CHL1: variants seen among roughly 807,000 people sequenced by gnomAD.
CHL1 encodes the protein cell adhesion molecule L1 like.
Under a neutral mutation model 141.9 loss-of-function variants are expected in CHL1, and 96 were observed. That is an observed-to-expected ratio of 0.68 (90% CI 0.57 to 0.80). The LOEUF (loss-of-function observed/expected upper bound fraction) is 0.80. CHL1 is among the 30% of genes least tolerant of loss of function. The pLI is 0.00. For missense variants in CHL1, 1,820 were observed against 1,457.2 expected (o/e 1.25, Z -4.05); for synonymous variants, 613 against 502.2 (o/e 1.22, Z -2.95).
At chr3:351,568 T>C (rs1035034138) in intron 10 of CHL1, among the ~76,000 whole-genome samples, 5 of 152,190 alleles carry the variant, frequency 3.3e-5, no homozygotes, top group Non-Finnish European at 5.9e-5. Context: ...CTTTTTTGTC[T>C]CTTTTTTAGA....
intron 16 of CHL1, among the ~76,000 whole-genome samples, chr3:380,756 CA>C (rs1353284320): frequency 6.6e-6 from 1 of 152,126 alleles, no homozygotes; most frequent in Non-Finnish European, 1.5e-5. Context: ...GAAAAGAAAG[CA>C]GAGCTCATGA....
In CHL1 at chr3:256,731, A is replaced by C. The variant is rs1427315905; in HGVS notation, c.-95+12039A>C. Among the ~76,000 whole-genome samples, 3 of 152,316 alleles carry C rather than the reference A, an allele frequency of 2.0e-5. No individual in the cohort carries two copies. In the East Asian group the frequency reaches 5.8e-4, roughly 29 times the overall value. Reference sequence around the variant, plus strand: ...CATAAAATTCCCATGAAAATTTGGGAACGAGGGGAGGATTCATATGTATCT... The same window carrying C: ...CATAAAATTCCCATGAAAATTTGGGCACGAGGGGAGGATTCATATGTATCT... On this transcript the variant is annotated intron_variant, in intron 2 of 27. Coordinates refer to ENST00000256509, the MANE Select transcript of CHL1 (RefSeq NM_006614.4).
intron 14 of CHL1, 82 bp downstream of exon 14, chr3:363,465 TTTAAG>T: frequency 1.6e-6 from 2 of 1,265,510 alleles, no homozygotes; most frequent in Non-Finnish European, 2.2e-6. Flanking sequence ...AATAATACCA[TTTAAG>T]TTGGAGTACC....
At chr3:231,128 C>T (rs780362602) in intron 1 of CHL1, among the ~76,000 whole-genome samples, 4 of 152,084 alleles carry the variant, frequency 2.6e-5, no homozygotes, top group Admixed American at 6.6e-5. Context: ...TATTTACTAT[C>T]GGTTTTGTCT....
intron 11 of CHL1, 21 bp from the exon 12 acceptor site, chr3:360,263 A>G: frequency 6.2e-7 from 1 of 1,612,658 alleles, no homozygotes; most frequent in Non-Finnish European, 8.5e-7. Context: ...TATCAAACTG[A>G]CATTCTTTAA....
chr3:331,954 A>G (rs1269320739), intron 5 of CHL1, among the ~76,000 whole-genome samples: 1 of 152,206 alleles, frequency 6.6e-6, no homozygotes, highest in African/African-American at 2.4e-5. Flanking sequence ...TATACATCCA[A>G]CAGAATACGT....
chr3:397,273 A>G (rs759915912), intron 24 of CHL1, among the ~76,000 whole-genome samples: 4 of 152,124 alleles, frequency 2.6e-5, no homozygotes, highest in Non-Finnish European at 4.4e-5. Context: ...GGCTTTGCTC[A>G]TATAATTGGC....
chr3:377,754 G>T (rs942948809), intron 15 of CHL1, 64 bp from the exon 16 acceptor site: 6 of 1,398,862 alleles, frequency 4.3e-6, no homozygotes, highest in Admixed American at 4.0e-5. Flanking sequence ...ATTTTTAAAA[G>T]AATTGGGTTT....
chr3:218,451 C>G (rs949130473), intron 1 of CHL1, among the ~76,000 whole-genome samples: 20 of 152,132 alleles, frequency 1.3e-4, no homozygotes, highest in African/African-American at 4.8e-4. Context: ...TAAGTTTCCT[C>G]AAGTCAGTAG....
chr3:198,962 T>G (rs1698671785), intron 1 of CHL1, among the ~76,000 whole-genome samples: 1 of 152,234 alleles, frequency 6.6e-6, no homozygotes, highest in Admixed American at 6.5e-5. Flanking sequence ...GGGGAAACTT[T>G]TGGTGACAAG....
At chr3:273,489 T>G (rs577527996) in intron 2 of CHL1, among the ~76,000 whole-genome samples, 1 of 152,340 alleles carries the variant, frequency 6.6e-6, no homozygotes, top group South Asian at 2.1e-4. Flanking sequence ...TTCTTTAATC[T>G]TATTCAAGAC....
At chr3:381,148 C>A (rs1241804217) in intron 16 of CHL1, among the ~76,000 whole-genome samples, 1 of 152,136 alleles carries the variant, frequency 6.6e-6, no homozygotes, top group African/African-American at 2.4e-5. Context: ...ATTCTGATGT[C>A]CCTGGTCAAG....
chr3:251,787 G>A (rs1416180470), intron 2 of CHL1, among the ~76,000 whole-genome samples: 1 of 152,094 alleles, frequency 6.6e-6, no homozygotes, highest in Non-Finnish European at 1.5e-5. Context: ...TCCACACTTA[G>A]AAGTTTCTAT....
rs377750785 is a variant in CHL1 at position 287,527 on chromosome 3, T to A, written c.-94-32156T>A. On this transcript the variant is annotated intron_variant, in intron 2 of 27. Coordinates refer to ENST00000256509, the MANE Select transcript of CHL1 (RefSeq NM_006614.4). ...GAAAGATGATTGAGATACCTCCTTA[T>A]AATCTTAGAATCCATCCTAAAATGT... Among the ~76,000 whole-genome samples, 15 of 152,314 alleles carry A rather than the reference T, an allele frequency of 9.8e-5. No homozygotes were observed. The East Asian group carries it at 1.7e-3, about 18-fold the overall frequency.
chr3:238,717 G>C (rs1292315752), intron 1 of CHL1, among the ~76,000 whole-genome samples: 1 of 151,748 alleles, frequency 6.6e-6, no homozygotes, highest in Non-Finnish European at 1.5e-5. Context: ...CTGAGGTCAG[G>C]AGTTCGAGAC....
chr3:326,176 C>A, intron 4 of CHL1, 112 bp downstream of exon 4: 4 of 589,154 alleles, frequency 6.8e-6, no homozygotes, highest in Non-Finnish European at 1.1e-5. Context: ...ATGATTAAAG[C>A]TAAGGGTTTA....
At chr3:312,262 A>C (rs1308837226) in intron 2 of CHL1, among the ~76,000 whole-genome samples, 1 of 152,186 alleles carries the variant, frequency 6.6e-6, no homozygotes, top group East Asian at 1.9e-4. Context: ...ACTGTGTACA[A>C]AATGTGCCAG....
At chr3:222,466 C>T (rs1270295910) in intron 1 of CHL1, among the ~76,000 whole-genome samples, 1 of 152,166 alleles carries the variant, frequency 6.6e-6, no homozygotes, top group Admixed American at 6.5e-5. Flanking sequence ...ACCTAATTAC[C>T]CAATCAAACC....
At chr3:306,157 A>G (rs1038524425) in intron 2 of CHL1, among the ~76,000 whole-genome samples, 2 of 152,164 alleles carry the variant, frequency 1.3e-5, no homozygotes, top group African/African-American at 4.8e-5. Context: ...GGGATTTGGC[A>G]TTAATTCTTC....
Sources: gnomAD v4.1 joint callset for allele counts (sites outside exome capture counted in the v4.1 genomes callset) on GRCh38, gnomAD v4.1.1 for gene constraint, MANE v1.5 for transcripts, NCBI Gene and HGNC (gene_info 2026-07-23, HGNC 2026-07-21) for gene names.